The following AMBRA1 variants were observed in gnomAD, a reference collection of about 807,000 sequenced individuals.
AMBRA1 encodes the protein autophagy and beclin 1 regulator 1.
Under a neutral mutation model 125.4 loss-of-function variants are expected in AMBRA1, and 47 were observed. The observed-to-expected ratio is 0.37, with a 90% CI of 0.30 to 0.48. The LOEUF is 0.48. Among genes scored for constraint, AMBRA1 ranks in the 20% least tolerant of loss-of-function variants. The pLI, the probability that AMBRA1 is intolerant of heterozygous loss-of-function variation, is 0.99. For synonymous variants in AMBRA1, 626 were observed against 655.5 expected (o/e 0.95, Z 0.69); for missense variants, 1,331 against 1,693.4 (o/e 0.79, Z 3.76).
At chr11:46,569,440 A>AAAATAT (rs1477022124) in intron 1 of AMBRA1, among the ~76,000 whole-genome samples, 24 of 131,366 alleles carry the variant, frequency 1.8e-4, no homozygotes, top group Non-Finnish European at 3.0e-4. Flanking sequence ...AAAAAAAAAA[A>AAAATAT]ATATATATAT....
chr11:46,532,989 C>G (rs533779819), intron 7 of AMBRA1, among the ~76,000 whole-genome samples: 55 of 152,030 alleles, frequency 3.6e-4, no homozygotes, highest in Non-Finnish European at 5.9e-4. Context: ...ATGGTGAAAC[C>G]CTGTCTCTAC....
At chr11:46,441,037 A>G (rs1021774073) in intron 12 of AMBRA1, among the ~76,000 whole-genome samples, 15 of 152,186 alleles carry the variant, frequency 9.9e-5, no homozygotes, top group African/African-American at 3.6e-4. Flanking sequence ...TGCCTGATTC[A>G]CTACTTTTTG....
chr11:46,415,544 C>A (rs1164947729), intron 15 of AMBRA1, among the ~76,000 whole-genome samples: 3 of 152,232 alleles, frequency 2.0e-5, no homozygotes, highest in South Asian at 4.1e-4. Flanking sequence ...ATATTGCTCA[C>A]ACACAGTCTT....
rs139968517 is a variant in AMBRA1 at position 46,432,646 on chromosome 11, G to C, written c.2976+828C>G. ...AAGGAGCTTACACTGAACCGAATTG[G>C]GTGGATTAAACACATACGCTACACA... On this transcript the variant is annotated intron_variant, in intron 14 of 17. Transcript: ENST00000683756. Among the ~76,000 whole-genome samples the C allele has an allele frequency of 3.2e-4, 48 of 152,300 alleles. 1 individual carries two copies. In the East Asian group the frequency reaches 6.9e-3, roughly 22 times the overall value.
At chr11:46,433,438 C>G (rs1233255722) in intron 14 of AMBRA1, 36 bp downstream of exon 14, 1 of 1,604,864 alleles carries the variant, frequency 6.2e-7, no homozygotes, top group Non-Finnish European at 8.5e-7. Flanking sequence ...CCTAGGGGAG[C>G]TGCCATACAG....
chr11:46,561,378 C>T (rs2043332365), intron 1 of AMBRA1, among the ~76,000 whole-genome samples: 1 of 147,166 alleles, frequency 6.8e-6, no homozygotes, highest in Non-Finnish European at 1.5e-5. Flanking sequence ...GAGACTCCAT[C>T]TCAAAAAAAA....
chr11:46,535,602 C>A (rs1391953126), intron 7 of AMBRA1, among the ~76,000 whole-genome samples: 1 of 152,022 alleles, frequency 6.6e-6, no homozygotes, highest in African/African-American at 2.4e-5. Flanking sequence ...CCAAGTATAC[C>A]TTCATAGAGA....
intron 1 of AMBRA1, among the ~76,000 whole-genome samples, chr11:46,555,334 G>A (rs2043130797): frequency 6.6e-6 from 1 of 152,160 alleles, no homozygotes; most frequent in Non-Finnish European, 1.5e-5. Flanking sequence ...ATTATCTTAT[G>A]CCAGGAATTT....
intron 17 of AMBRA1, among the ~76,000 whole-genome samples, chr11:46,401,762 G>T (rs977179478): frequency 1.3e-4 from 20 of 152,200 alleles, no homozygotes; most frequent in African/African-American, 4.3e-4. Flanking sequence ...CTTGCTTCCA[G>T]TCTCCTCCCC....
In AMBRA1 at chr11:46,579,863, C is replaced by T. The variant is rs181167061; in HGVS notation, c.-121+13965G>A. On this transcript the variant is annotated intron_variant, in intron 1 of 17. Transcript: ENST00000683756. ...GAGGAGCTGGGATTACAGGTGTGCA[C>T]CACCACGCCTGGCTAACTTTAGTAT... Among the ~76,000 whole-genome samples the T allele has an allele frequency of 3.9e-3, 595 of 152,244 alleles. 3 individuals are homozygous for T. Among genetic ancestry groups the T allele is most frequent in the African/African-American group, 0.014 (581 of 41,540 alleles).
chr11:46,588,451 T>A (rs1372672774), intron 1 of AMBRA1, among the ~76,000 whole-genome samples: 4 of 152,160 alleles, frequency 2.6e-5, no homozygotes, highest in African/African-American at 9.7e-5. Context: ...TAAAGCATTT[T>A]CACATACTTT....
intron 11 of AMBRA1, among the ~76,000 whole-genome samples, chr11:46,465,215 C>T (rs1287501488): frequency 6.6e-6 from 1 of 152,124 alleles, no homozygotes; most frequent in Non-Finnish European, 1.5e-5. Context: ...CCATCCCTTC[C>T]CCTAGAAACC....
In AMBRA1 at chr11:46,410,354, C is replaced by T. The variant is rs745673960; in HGVS notation, c.3131G>A (p.Gly1044Asp). The stretch of plus-strand genomic sequence containing the variant: ...CAGCTGGTCCCAGTAGTACTCAACA[C>T]CAGAGTTTAAGGCCCTAAAAATCAG... ...VICRPEALNSGVEYYWDQLNE... is the reference protein window; with the variant it reads ...VICRPEALNSDVEYYWDQLNE... Residue 1044 changes from glycine to aspartate, a missense_variant, in exon 16 of 18, where the codon GGT becomes GAT. Physicochemically the swap from Gly to Asp is moderately conservative, Grantham distance 94. This residue lies in a region of AMBRA1 where 354 missense variants were observed against 532.7 expected (regional missense o/e 0.66). Transcript: ENST00000683756. The T allele has an allele frequency of 1.9e-6, 3 of 1,613,886 alleles. No individual in the cohort carries two copies. Among genetic ancestry groups the T allele is most frequent in the Non-Finnish European group, 2.5e-6 (3 of 1,179,876 alleles).
chr11:46,519,877 C>T (rs995806125), intron 7 of AMBRA1, among the ~76,000 whole-genome samples: 12 of 152,120 alleles, frequency 7.9e-5, no homozygotes, highest in South Asian at 2.1e-4. Flanking sequence ...CGGTGGCTCA[C>T]GCCTGTAATC....
At chr11:46,431,069 C>T (rs141978653) in intron 14 of AMBRA1, among the ~76,000 whole-genome samples, 24 of 152,074 alleles carry the variant, frequency 1.6e-4, no homozygotes, top group Non-Finnish European at 3.2e-4. Context: ...TGCCTTTGGA[C>T]GTAAGGGGCA....
At chr11:46,503,060 CAAAAAAAAAAA>C (rs35217088) in intron 9 of AMBRA1, among the ~76,000 whole-genome samples, 16 of 31,016 alleles carry the variant, frequency 5.2e-4, no homozygotes, top group Non-Finnish European at 7.4e-4. Context: ...GACTCTGTCT[CAAAAAAAAAAA>C]AAAAAAAAAA....
intron 1 of AMBRA1, among the ~76,000 whole-genome samples, chr11:46,592,781 C>A (rs2044653538): frequency 6.6e-6 from 1 of 151,770 alleles, no homozygotes; most frequent in African/African-American, 2.4e-5. Context: ...AAAAGAGAGA[C>A]AGACTCCTTG....
intron 12 of AMBRA1, among the ~76,000 whole-genome samples, chr11:46,439,230 C>T (rs559599179): frequency 2.0e-5 from 3 of 151,928 alleles, no homozygotes; most frequent in South Asian, 2.1e-4. Flanking sequence ...GATATGATCA[C>T]GCCACTGTAC....
At chr11:46,475,873 T>C (rs1414913527) in intron 11 of AMBRA1, among the ~76,000 whole-genome samples, 3 of 152,320 alleles carry the variant, frequency 2.0e-5, no homozygotes, top group Admixed American at 1.3e-4. Context: ...AGCAGGCAGC[T>C]TCAAATAAAG....
Sources: allele counts gnomAD v4.1 joint callset (sites outside exome capture counted in the v4.1 genomes callset), GRCh38; gene constraint gnomAD v4.1.1; regional missense constraint gnomAD v4.1.1; transcripts MANE v1.5; gene names NCBI Gene and HGNC (gene_info 2026-07-23, HGNC 2026-07-21).